ZBTB20: variants seen among roughly 807,000 people sequenced by gnomAD.
ZBTB20 encodes the protein zinc finger and BTB domain-containing protein 20.
Under a neutral mutation model 56.9 loss-of-function variants are expected in ZBTB20, and 9 were observed. That is an observed-to-expected ratio of 0.16 (90% CI 0.10 to 0.28). The LOEUF (loss-of-function observed/expected upper bound fraction) is 0.28, where lower values mean the gene tolerates loss of function less well. Among genes scored for constraint, ZBTB20 ranks in the 10% least tolerant of loss-of-function variants. The pLI is 1.00. For synonymous variants in ZBTB20, 417 were observed against 420.7 expected (o/e 0.99, Z 0.11); for missense variants, 655 against 1,003.0 (o/e 0.65, Z 4.69).
intron 1 of ZBTB20, among the ~76,000 whole-genome samples, chr3:115,104,287 T>A (rs966822149): frequency 1.3e-5 from 2 of 152,166 alleles, no homozygotes; most frequent in African/African-American, 4.8e-5. Context: ...GGAAGACAGT[T>A]TGGCAGTTTC....
At chr3:114,950,722 T>C (rs1458032418) in intron 3 of ZBTB20, among the ~76,000 whole-genome samples, 1 of 152,150 alleles carries the variant, frequency 6.6e-6, no homozygotes, top group Non-Finnish European at 1.5e-5. Context: ...AGAATATGCA[T>C]GTGGCCACCA....
At chr3:114,729,651 A>T (rs2065577025) in intron 5 of ZBTB20, among the ~76,000 whole-genome samples, 1 of 152,206 alleles carries the variant, frequency 6.6e-6, no homozygotes, top group South Asian at 2.1e-4. Context: ...TACGTAAGTA[A>T]ATATTAGTGC....
chr3:114,781,428 C>G (rs2108774841), intron 5 of ZBTB20, among the ~76,000 whole-genome samples: 1 of 152,310 alleles, frequency 6.6e-6, no homozygotes, highest in Admixed American at 6.5e-5. Context: ...AGGTGTTTCT[C>G]ATTAATGGGA....
chr3:114,734,468 C>A (rs1224184893), intron 5 of ZBTB20, among the ~76,000 whole-genome samples: 1 of 151,908 alleles, frequency 6.6e-6, no homozygotes, highest in Non-Finnish European at 1.5e-5. Context: ...AGAAAGTCTT[C>A]ACTTATTGCC....
chr3:114,665,242 C>A (rs181063223), intron 6 of ZBTB20, among the ~76,000 whole-genome samples: 1 of 151,932 alleles, frequency 6.6e-6, no homozygotes. Context: ...TAAATACTTA[C>A]CATCTACTCT....
At chr3:114,478,002 CAG>C (rs1169258485) in intron 7 of ZBTB20, among the ~76,000 whole-genome samples, 1 of 113,538 alleles carries the variant, frequency 8.8e-6, no homozygotes, top group Non-Finnish European at 1.7e-5. Flanking sequence ...TTTTTTGAGG[CAG>C]AGTTTCATTC....
intron 6 of ZBTB20, among the ~76,000 whole-genome samples, chr3:114,571,522 G>A (rs1011466769): frequency 6.6e-6 from 1 of 152,092 alleles, no homozygotes; most frequent in African/African-American, 2.4e-5. Context: ...GGGTGAGGAC[G>A]TGGAGGAAGG....
At chr3:114,963,748 T>G (rs1029793252) in intron 3 of ZBTB20, among the ~76,000 whole-genome samples, 1 of 152,194 alleles carries the variant, frequency 6.6e-6, no homozygotes, top group Non-Finnish European at 1.5e-5. Context: ...ACAAGTAGTT[T>G]TTTTGCCTTG....
chr3:114,967,072 T>C (rs996575109), intron 3 of ZBTB20, among the ~76,000 whole-genome samples: 3 of 152,162 alleles, frequency 2.0e-5, no homozygotes, highest in Non-Finnish European at 4.4e-5. Flanking sequence ...TCTAAAATAC[T>C]TAAAATACAA....
At chr3:114,570,457 A>G (rs1201892876) in intron 6 of ZBTB20, among the ~76,000 whole-genome samples, 1 of 151,558 alleles carries the variant, frequency 6.6e-6, no homozygotes. Flanking sequence ...AATTCAATAT[A>G]TTATTAAAGC....
chr3:114,688,717 TTTCAATAATTAATTA>T (rs2062506954), intron 6 of ZBTB20, among the ~76,000 whole-genome samples: 1 of 152,202 alleles, frequency 6.6e-6, no homozygotes, highest in Admixed American at 6.5e-5. Flanking sequence ...CTAAAGTGCC[TTTCAATAATTAATTA>T]TAAGAGTCTT....
chr3:114,619,546 ACT>A (rs2058173979), intron 6 of ZBTB20, among the ~76,000 whole-genome samples: 1 of 151,644 alleles, frequency 6.6e-6, no homozygotes, highest in Non-Finnish European at 1.5e-5. Context: ...ACATGCAGTT[ACT>A]CTCTGGATGT....
intron 5 of ZBTB20, among the ~76,000 whole-genome samples, chr3:114,799,205 G>A (rs972707761): frequency 2.6e-5 from 4 of 151,850 alleles, no homozygotes; most frequent in Non-Finnish European, 4.4e-5. Context: ...GACGAACTGA[G>A]GTATCAGAGC....
rs182068139 is a variant in ZBTB20, at chr3:114,380,228, C to T, written c.188G>A (p.Gly63Glu). 3.5e-5 allele frequency: 54 copies of T among 1,536,090 alleles called. No homozygotes were observed. In the Admixed American group the frequency reaches 7.9e-4, roughly 22 times the overall value. Residue 63 changes from glycine (G) to glutamate (E), a missense_variant, in exon 10 of 12, where the codon GGG (glycine) becomes GAG (glutamate). Coordinates refer to ENST00000675478, the MANE Select transcript of ZBTB20 (RefSeq NM_001348800.3). ...HSLTNSHAHT[G>E]SSDCDISCKG... ...AGTGGTGTACTCACAATCAGATGACCCGGTGTGAGCGTGAGAGTTTGTCAG... is the reference window on the plus strand; with the variant it reads ...AGTGGTGTACTCACAATCAGATGACTCGGTGTGAGCGTGAGAGTTTGTCAG...
intron 1 of ZBTB20, among the ~76,000 whole-genome samples, chr3:115,073,422 T>C (rs1048311314): frequency 1.3e-5 from 2 of 152,190 alleles, no homozygotes; most frequent in Non-Finnish European, 2.9e-5. Flanking sequence ...TGTTCTGATA[T>C]TTCTTATTCC....
chr3:114,787,368 T>TATATATATATATAC (rs1433434685), intron 5 of ZBTB20, among the ~76,000 whole-genome samples: 4 of 106,314 alleles, frequency 3.8e-5, no homozygotes, highest in African/African-American at 1.8e-4. Flanking sequence ...TATATATATA[T>TATATATATATATAC]ACACACACAC....
chr3:114,350,236 G>A (rs751358781), intron 11 of ZBTB20, 38 bp downstream of exon 11: 3 of 1,561,324 alleles, frequency 1.9e-6, no homozygotes, highest in Non-Finnish European at 2.6e-6. Context: ...AGCCCCCTCA[G>A]CCCCTGCTGC....
At chr3:114,567,291 C>T (rs539966050) in intron 6 of ZBTB20, among the ~76,000 whole-genome samples, 3 of 152,116 alleles carry the variant, frequency 2.0e-5, no homozygotes, top group South Asian at 4.2e-4. Context: ...ACAGGGTCCT[C>T]GGGAAAAAAA....
chr3:114,619,422 T>C (rs1233476846), intron 6 of ZBTB20, among the ~76,000 whole-genome samples: 1 of 152,106 alleles, frequency 6.6e-6, no homozygotes, highest in Non-Finnish European at 1.5e-5. Context: ...GAGATATAGT[T>C]TGGGGATTGC....
Sources: allele counts gnomAD v4.1 joint callset (sites outside exome capture counted in the v4.1 genomes callset), GRCh38; gene constraint gnomAD v4.1.1; transcripts MANE v1.5; gene names NCBI Gene and HGNC (gene_info 2026-07-23, HGNC 2026-07-21).